Variants in DNMT3A observed in about 807,000 individuals in gnomAD.
DNMT3A encodes the protein DNA (cytosine-5)-methyltransferase 3A.
A neutral mutation model predicts 117.6 loss-of-function variants in DNMT3A; 267 were observed. The ratio of observed to expected loss-of-function variants is 2.27; its 90% confidence interval spans 2.05 to 2.51. DNMT3A has a LOEUF of 2.51. Ranked by LOEUF, DNMT3A falls within the 30% of genes most tolerant of loss-of-function variation. DNMT3A has a pLI of 0.00. For synonymous variants in DNMT3A, 432 were observed against 474.8 expected (o/e 0.91, Z 1.17); for missense variants, 1,029 against 1,260.2 (o/e 0.82, Z 2.78).
rs753668895 is a variant in DNMT3A, at chr2:25,247,042, G to T, written c.1122+9C>A. 22 of 1,612,994 alleles carry T rather than the reference G, an allele frequency of 1.4e-5. No individual in the cohort carries two copies. Among genetic ancestry groups the T allele is most frequent in the Non-Finnish European group, 1.9e-5 (22 of 1,179,486 alleles). The stretch of plus-strand genomic sequence containing the variant: ...GCTCCTCCTCCGAGCTCCCAGCAGG[G>T]ACACTCACCTGCAGGACCTCGTAGA... On this transcript the variant is annotated intron_variant, in intron 9 of 22. Coordinates refer to ENST00000321117, the MANE Select transcript of DNMT3A (RefSeq NM_022552.5). The surrounding 1 kb of genome is among the most constrained non-coding windows in gnomAD (Gnocchi z 5.6).
chr2:25,272,220 A>G (rs565088988), intron 6 of DNMT3A, among the ~76,000 whole-genome samples: 27 of 152,270 alleles, frequency 1.8e-4, no homozygotes, highest in African/African-American at 6.5e-4. Context: ...CTCCTGACCT[A>G]AGGTGATCCA....
chr2:25,243,095 A>C (rs1020890201), intron 16 of DNMT3A, among the ~76,000 whole-genome samples: 5 of 152,166 alleles, frequency 3.3e-5, no homozygotes, highest in Non-Finnish European at 7.4e-5. Context: ...TCACAAGGTC[A>C]AGAGATCGAG....
intron 1 of DNMT3A, among the ~76,000 whole-genome samples, chr2:25,325,315 C>G (rs1184449198): frequency 6.6e-6 from 1 of 152,154 alleles, no homozygotes; most frequent in Non-Finnish European, 1.5e-5. Flanking sequence ...CTTCCCACGG[C>G]CTGGGAGTCA....
chr2:25,246,279 G>GTGTACACTTCTTTGTAACA lies in DNMT3A; in HGVS notation c.1309_1310insTGTTACAAAGAAGTGTACA (p.Thr437MetfsTer14). On this transcript the variant is annotated frameshift_variant, in exon 11 of 23. Coordinates refer to ENST00000321117, the MANE Select transcript of DNMT3A (RefSeq NM_022552.5). LOFTEE classifies it high-confidence loss of function. ...TGCCTCAGGTTCCACCCACATGTCC[G>GTGTACACTTCTTTGTAACA]TGTACACTTCTTTGTAGGGATTCTT... 6.2e-7 allele frequency: 1 copy of GTGTACACTTCTTTGTAACA among 1,613,078 alleles called. No homozygotes were observed.
Position 25,261,792 on chromosome 2 carries a change from T to C in DNMT3A, c.639+13149A>G, listed in dbSNP as rs915925654. 3.9e-5 allele frequency among the ~76,000 whole-genome samples: 6 copies of C among 152,166 alleles called. 1 individual carries two copies. The highest frequency in any genetic ancestry group is 3.9e-4 in the Admixed American group (6 of 15,284). On this transcript the variant is annotated intron_variant, in intron 6 of 22. Transcript: ENST00000321117. Reference sequence around the variant, plus strand: ...CCATGTCCTTGTCCCTGCCCCTCCCTATCCTGGTCCTCTCCTAGCAGGTCT... The same window carrying C: ...CCATGTCCTTGTCCCTGCCCCTCCCCATCCTGGTCCTCTCCTAGCAGGTCT...
chr2:25,273,504 T>C (rs1444315447), intron 6 of DNMT3A, among the ~76,000 whole-genome samples: 2 of 152,164 alleles, frequency 1.3e-5, no homozygotes, highest in East Asian at 3.9e-4. Context: ...AGAGCTGAGT[T>C]CACGTGAAGT....
intron 3 of DNMT3A, among the ~76,000 whole-genome samples, chr2:25,290,796 CT>C: frequency 7.4e-6 from 1 of 134,452 alleles, no homozygotes; most frequent in Middle Eastern, 3.8e-3. Flanking sequence ...AAGGGGGATC[CT>C]GTGGGGGTGG....
rs1382490635 is a variant in DNMT3A at position 25,270,904 on chromosome 2, A to G, written c.639+4037T>C. On this transcript the variant is annotated intron_variant, in intron 6 of 22. Coordinates refer to ENST00000321117, the MANE Select transcript of DNMT3A (RefSeq NM_022552.5). Reference sequence around the variant, plus strand: ...CCGGGTGTGGTGGTGCACGCCTGTAATCCCAGCTACTCGGGAGGCTGAGGC... The same window carrying G: ...CCGGGTGTGGTGGTGCACGCCTGTAGTCCCAGCTACTCGGGAGGCTGAGGC... Among the ~76,000 whole-genome samples, 2 of 152,202 alleles carry G rather than the reference A, an allele frequency of 1.3e-5. 1 individual carries two copies. Among genetic ancestry groups the G allele is most frequent in the South Asian group, 4.1e-4 (2 of 4,832 alleles).
At chr2:25,331,860 C>A (rs1055589995) in intron 1 of DNMT3A, among the ~76,000 whole-genome samples, 26 of 152,132 alleles carry the variant, frequency 1.7e-4, no homozygotes, top group African/African-American at 6.3e-4. Flanking sequence ...CAGCTACAAC[C>A]CAGCTCCATG....
intron 22 of DNMT3A, 91 bp downstream of exon 22, chr2:25,235,615 AC>A: frequency 9.8e-7 from 1 of 1,017,664 alleles, no homozygotes; most frequent in Non-Finnish European, 1.5e-6. Flanking sequence ...TTTGTGGAAA[AC>A]AAGTCAGGTG....
chr2:25,332,570 A>G (rs1231698580), intron 1 of DNMT3A, among the ~76,000 whole-genome samples: 1 of 152,258 alleles, frequency 6.6e-6, no homozygotes, highest in Non-Finnish European at 1.5e-5. Context: ...GATCTGAGGC[A>G]GGGACCTCTG....
intron 1 of DNMT3A, among the ~76,000 whole-genome samples, chr2:25,322,166 G>A (rs1005846220): frequency 4.6e-5 from 7 of 152,148 alleles, no homozygotes; most frequent in Non-Finnish European, 8.8e-5. Flanking sequence ...TTGTTAGGAG[G>A]TTTTAGTACT....
chr2:25,273,566 C>T (rs907424075), intron 6 of DNMT3A, among the ~76,000 whole-genome samples: 1 of 152,158 alleles, frequency 6.6e-6, no homozygotes, highest in African/African-American at 2.4e-5. Flanking sequence ...AGGTCACCAC[C>T]CACTTCTCTT....
At chr2:25,270,397 C>T (rs562510111) in intron 6 of DNMT3A, among the ~76,000 whole-genome samples, 1 of 152,310 alleles carries the variant, frequency 6.6e-6, no homozygotes, top group African/African-American at 2.4e-5. Context: ...CTCTATGCCT[C>T]TGGTAGTCCC....
chr2:25,236,872 TCCA>T lies in DNMT3A; in HGVS notation c.2478+61_2478+63del. 3.2e-6 allele frequency: 5 copies of T among 1,539,850 alleles called. No homozygotes were observed. The highest frequency in any genetic ancestry group is 4.4e-6 in the Non-Finnish European group (5 of 1,131,272). ...GGCGGGACAAGGCCCTGGCCACCGC[TCCA>T]CCTCATCCTGCCCTTCCTTCTCCCT... On this transcript the variant is annotated intron_variant, in intron 21 of 22. Coordinates refer to ENST00000321117, the MANE Select transcript of DNMT3A (RefSeq NM_022552.5). This position sits in a 1 kb window ranked among gnomAD's most constrained non-coding sequence, Gnocchi z 4.5.
In DNMT3A at chr2:25,241,610, C is replaced by T. The variant is rs776843934; in HGVS notation, c.2034G>A (p.Gln678=). ...CGTCCCCGACGTACATGATCTTCCC[C>T]TGGTGCCGCACCATGCCCACCGTGA... ...DSITVGMVRH[Q]GKIMYVGDVR... is the part of the protein sequence containing the mutation. Residue 678 remains glutamine (Q), a synonymous_variant, in exon 17 of 23, where the codon CAG becomes CAA. Transcript: ENST00000321117. The T allele has an allele frequency of 6.2e-7, 1 of 1,613,748 alleles. No individual in the cohort carries two copies. The highest frequency in any genetic ancestry group is 8.5e-7 in the Non-Finnish European group (1 of 1,179,878).
chr2:25,313,389 C>G (rs1462635091), intron 2 of DNMT3A, among the ~76,000 whole-genome samples: 1 of 152,146 alleles, frequency 6.6e-6, no homozygotes, highest in Admixed American at 6.5e-5. Context: ...TCACCATCTC[C>G]AAAGTGTGCT....
upstream of DNMT3A, chr2:25,341,926 G>GCCCTCCCT (rs567631863): frequency 6.9e-5 from 67 of 973,932 alleles, no homozygotes; most frequent in South Asian, 1.8e-4. Context: ...CCGCCCGCGC[G>GCCCTCCCT]CCCTCCCTCC....
In DNMT3A at chr2:25,339,832, T is replaced by C. The variant is rs1214252701; in HGVS notation, c.-178+1994A>G. 6.6e-6 allele frequency among the ~76,000 whole-genome samples: 1 copy of C among 152,160 alleles called. No homozygotes were observed. Among genetic ancestry groups the C allele is most frequent in the Non-Finnish European group, 1.5e-5 (1 of 68,022 alleles). On this transcript the variant is annotated intron_variant, in intron 1 of 22. Transcript: ENST00000321117. The surrounding 1 kb of genome is among the most constrained non-coding windows in gnomAD (Gnocchi z 4.9). ...CAGGCCAGTCCTAACACCCAGGCAA[T>C]AGCAAGGCGAATAGCTCCCCTGGCT... is the stretch of plus-strand genomic sequence containing the variant.
Sources: gnomAD v4.1 joint callset for allele counts (sites outside exome capture counted in the v4.1 genomes callset) on GRCh38, gnomAD v4.1.1 for gene constraint, Gnocchi (gnomAD v3.1) non-coding constraint, MANE v1.5 for transcripts, NCBI Gene and HGNC (gene_info 2026-07-23, HGNC 2026-07-21) for gene names.